Variants in STXBP6 observed in about 807,000 individuals in gnomAD.
STXBP6 encodes syntaxin binding protein 6, also known as syntaxin-binding protein 6.
Under a neutral mutation model 26.9 loss-of-function variants are expected in STXBP6, and 21 were observed. The observed-to-expected ratio is 0.78, with a 90% confidence interval of 0.55 to 1.12. The LOEUF is 1.12. Among genes scored for constraint, STXBP6 ranks in the 50% most tolerant of loss-of-function variants. The pLI, the probability that STXBP6 is intolerant of heterozygous loss-of-function variation, is 0.00. For synonymous variants in STXBP6, 97 were observed against 92.6 expected, an observed-to-expected ratio of 1.05 and a Z score of -0.27; for missense variants, 232 against 257.9, an observed-to-expected ratio of 0.90 and a Z score of 0.69.
At chr14:24,991,017 G>C (rs1376458868) in intron 1 of STXBP6, among the ~76,000 whole-genome samples, 3 of 151,248 alleles carry the variant, frequency 2.0e-5, no homozygotes, top group Non-Finnish European at 4.4e-5. Flanking sequence ...GGAGGAGAGA[G>C]AAAGAGAAGA....
chr14:24,886,969 T>C (rs192224135), intron 2 of STXBP6, among the ~76,000 whole-genome samples: 1 of 152,320 alleles, frequency 6.6e-6, no homozygotes, highest in Non-Finnish European at 1.5e-5. Flanking sequence ...TGAAATCCCT[T>C]GCATTGAGTT....
At chr14:24,907,302 A>G (rs1389936062) in intron 2 of STXBP6, among the ~76,000 whole-genome samples, 1 of 152,206 alleles carries the variant, frequency 6.6e-6, no homozygotes, top group Admixed American at 6.5e-5. Flanking sequence ...TTATGTGTCA[A>G]TAAAAAATAA....
intron 2 of STXBP6, among the ~76,000 whole-genome samples, chr14:24,938,010 G>A (rs1023379552): frequency 2.6e-5 from 4 of 152,140 alleles, no homozygotes; most frequent in South Asian, 4.2e-4. Context: ...TCATATACGA[G>A]CAATCTGCCT....
At chr14:24,859,385 G>A (rs541180032) in intron 2 of STXBP6, among the ~76,000 whole-genome samples, 18 of 151,998 alleles carry the variant, frequency 1.2e-4, no homozygotes, top group Non-Finnish European at 2.1e-4. Flanking sequence ...TTTCTATTTT[G>A]AAGCAGGTGT....
At chr14:24,890,098 C>A (rs939934654) in intron 2 of STXBP6, among the ~76,000 whole-genome samples, 2 of 152,252 alleles carry the variant, frequency 1.3e-5, no homozygotes, top group African/African-American at 2.4e-5. Flanking sequence ...CTGCCACAAT[C>A]CATACAAGCA....
chr14:24,973,534 T>C (rs796407084), intron 2 of STXBP6, among the ~76,000 whole-genome samples: 4 of 151,874 alleles, frequency 2.6e-5, no homozygotes, highest in African/African-American at 9.7e-5. Flanking sequence ...TACAGGTGAG[T>C]GCCATCATGC....
rs1053720270 is a variant in STXBP6 at position 24,809,568 on chromosome 14, G to C, written c.*3141C>G. On this transcript the variant is annotated 3_prime_UTR_variant, in exon 6 of 6. Coordinates refer to ENST00000323944, the MANE Select transcript of STXBP6 (RefSeq NM_001394410.1). ...CTGAGGTTTCCCCTTAGGCACATAA[G>C]ATTTTCCTATTAGCATAAAAAATGT... The C allele has an allele frequency of 2.0e-5, 3 of 152,152 alleles. No homozygotes were observed. Among genetic ancestry groups the C allele is most frequent in the African/African-American group, 7.2e-5 (3 of 41,438 alleles). The allele number at this position is 152,152 out of a possible 1,614,324, so 9.4% of individuals were successfully genotyped here. A position where few individuals can be genotyped will look rare whatever the true frequency, so the allele number is the denominator to read the frequency against.
At chr14:24,874,262 GAC>G (rs1439255317) in intron 2 of STXBP6, among the ~76,000 whole-genome samples, 1 of 152,094 alleles carries the variant, frequency 6.6e-6, no homozygotes, top group Non-Finnish European at 1.5e-5. Context: ...TAAAGCTAGG[GAC>G]AAGGGAGATG....
rs567692387 is a variant in STXBP6, at chr14:24,841,680, A to G, written c.451+14256T>C. ...ATTAATTCTGTCTTTGACCCTGGCCAGTCTAGAGTTTATTCTATCAAATGA... is the reference window on the plus strand; with the variant it reads ...ATTAATTCTGTCTTTGACCCTGGCCGGTCTAGAGTTTATTCTATCAAATGA... On this transcript the variant is annotated intron_variant, in intron 4 of 5. Transcript: ENST00000323944. Among the ~76,000 whole-genome samples, 106 of 152,286 alleles carry G rather than the reference A, an allele frequency of 7.0e-4. 2 individuals are homozygous for G. The highest frequency in any genetic ancestry group is 6.8e-3 in the Middle Eastern group (2 of 294).
intron 1 of STXBP6, among the ~76,000 whole-genome samples, chr14:25,002,280 T>C (rs937318991): frequency 2.0e-5 from 3 of 151,728 alleles, no homozygotes; most frequent in Non-Finnish European, 2.9e-5. Flanking sequence ...AAAAAGGTAA[T>C]AAACTTCCTA....
intron 2 of STXBP6, among the ~76,000 whole-genome samples, chr14:24,903,732 A>T (rs1294786743): frequency 2.0e-5 from 3 of 152,214 alleles, no homozygotes; most frequent in Non-Finnish European, 4.4e-5. Flanking sequence ...ATATGAACTT[A>T]AAAACCCAGT....
At chr14:25,009,911 A>G (rs554477773) in intron 1 of STXBP6, among the ~76,000 whole-genome samples, 1 of 152,202 alleles carries the variant, frequency 6.6e-6, no homozygotes, top group East Asian at 1.9e-4. Context: ...GCTACCCCCA[A>G]CTCTCCTCAT....
At chr14:24,816,897 A>T (rs2067995619) in intron 5 of STXBP6, 1 of 152,118 alleles carries the variant, frequency 6.6e-6, no homozygotes, top group Admixed American at 6.5e-5. Flanking sequence ...TCATTATGTG[A>T]CTGAATAGGG....
chr14:24,873,169 C>T (rs892088290), intron 2 of STXBP6, among the ~76,000 whole-genome samples: 1 of 152,028 alleles, frequency 6.6e-6, no homozygotes, highest in African/African-American at 2.4e-5. Context: ...ACGCATAAGC[C>T]TCCCTCAAAT....
intron 2 of STXBP6, chr14:24,878,823 C>T (rs1437079683): frequency 2.2e-6 from 1 of 448,020 alleles, no homozygotes; most frequent in Non-Finnish European, 4.5e-6. Context: ...TCTGTGTAAA[C>T]AGATTTATGT....
At chr14:24,994,226 C>G (rs754667485) in intron 1 of STXBP6, among the ~76,000 whole-genome samples, 2 of 152,162 alleles carry the variant, frequency 1.3e-5, no homozygotes, top group Admixed American at 6.5e-5. Flanking sequence ...TACCTCCGAC[C>G]TTTAACGGTG....
In STXBP6 at chr14:24,857,166, A is replaced by G. The variant is rs1315712123; in HGVS notation, c.155-9T>C. 1 of 1,612,566 alleles carries G rather than the reference A, an allele frequency of 6.2e-7. No individual in the cohort carries two copies. Among genetic ancestry groups the G allele is most frequent in the Non-Finnish European group, 8.5e-7 (1 of 1,178,950 alleles). On this transcript the variant is annotated splice_polypyrimidine_tract_variant and intron_variant, in intron 2 of 5. Transcript: ENST00000323944. ...GGGTTTCTTGTTTGTCACTGCCAAG[A>G]AAAGATCACTCAGATTAGTGCACCT...
intron 4 of STXBP6, among the ~76,000 whole-genome samples, chr14:24,831,672 T>A (rs2068457361): frequency 6.6e-6 from 1 of 152,088 alleles, no homozygotes; most frequent in Admixed American, 6.6e-5. Context: ...CTCTTTGATT[T>A]AAAAAAATAT....
At chr14:24,990,313 G>C (rs576307037) in intron 1 of STXBP6, among the ~76,000 whole-genome samples, 2 of 152,148 alleles carry the variant, frequency 1.3e-5, no homozygotes, top group African/African-American at 4.8e-5. Flanking sequence ...GGAGAGTTGA[G>C]AAAGGCCCGA....
Sources: allele counts gnomAD v4.1 joint callset (sites outside exome capture counted in the v4.1 genomes callset), GRCh38; gene constraint gnomAD v4.1.1; transcripts MANE v1.5; gene names NCBI Gene and HGNC (gene_info 2026-07-23, HGNC 2026-07-21).